Variants in DCC observed in about 807,000 individuals in gnomAD.
DCC encodes netrin receptor DCC.
In DCC, 58 loss-of-function variants were observed where a neutral mutation model predicts 172.5. That is an observed-to-expected ratio of 0.34 (90% CI 0.27 to 0.42). The LOEUF is 0.42. DCC is among the 10% of genes least tolerant of loss of function. DCC has a pLI of 1.00. For missense variants in DCC, 1,740 were observed against 1,791.0 expected, an observed-to-expected ratio of 0.97 and a Z score of 0.51; for synonymous variants, 709 against 644.5, an observed-to-expected ratio of 1.10 and a Z score of -1.52.
At chr18:52,780,045 C>G (rs1402004612) in intron 2 of DCC, among the ~76,000 whole-genome samples, 18 of 149,110 alleles carry the variant, frequency 1.2e-4, no homozygotes, top group Non-Finnish European at 1.5e-5. Context: ...ATATAATTTA[C>G]TACTTCATCG....
At chr18:53,183,945 C>CA (rs2055238953) in intron 9 of DCC, among the ~76,000 whole-genome samples, 1 of 145,866 alleles carries the variant, frequency 6.9e-6, no homozygotes, top group Non-Finnish European at 1.5e-5. Context: ...TCCTAAGTTG[C>CA]AAAAATGAAA....
intron 1 of DCC, among the ~76,000 whole-genome samples, chr18:52,596,268 G>T (rs1043196787): frequency 6.6e-6 from 1 of 152,076 alleles, no homozygotes; most frequent in African/African-American, 2.4e-5. Context: ...ACACTCACAC[G>T]GGAAACACAA....
intron 1 of DCC, among the ~76,000 whole-genome samples, chr18:52,433,629 T>G (rs1987696460): frequency 6.6e-6 from 1 of 152,232 alleles, no homozygotes; most frequent in South Asian, 2.1e-4. Context: ...ATGTATTTGT[T>G]GTAGTTGATG....
At position 53,420,301 on chromosome 18, in the gene DCC, C is replaced by A. The variant is rs1213676133; in HGVS notation, c.3163+4145C>A. Among the ~76,000 whole-genome samples the A allele has an allele frequency of 2.6e-5, 4 of 152,170 alleles. 1 individual carries two copies. The highest frequency in any genetic ancestry group is 9.7e-5 in the African/African-American group (4 of 41,446). ...TTTGTCCTATATAGATCTTCCTTTTCACATCTCTGAATATTCTAAAGAACA... is the reference window on the plus strand; with the variant it reads ...TTTGTCCTATATAGATCTTCCTTTTAACATCTCTGAATATTCTAAAGAACA... On this transcript the variant is annotated intron_variant, in intron 21 of 28. Transcript: ENST00000442544.
chr18:53,454,487 A>G (rs112649225), intron 23 of DCC, among the ~76,000 whole-genome samples: 1,651 of 152,368 alleles, frequency 0.011, 12 homozygotes, highest in Middle Eastern at 0.024. Context: ...GGACAAAAAT[A>G]TATGAAATTG....
rs1568192102 is a variant in DCC, at chr18:52,927,126, C to CGTATATACGTGTATATATGTGTATATAT, written c.985+1756_985+1757insGTATATACGTGTATATATGTGTATATAT. On this transcript the variant is annotated intron_variant, in intron 5 of 28. Transcript: ENST00000442544. The stretch of plus-strand genomic sequence containing the variant: ...ATATACACGTATATACGTGTATATA[C>CGTATATACGTGTATATATGTGTATATAT]ACGTATATACGTGTATATATGTGTA... 6.5e-5 allele frequency among the ~76,000 whole-genome samples: 5 copies of CGTATATACGTGTATATATGTGTATATAT among 76,534 alleles called. 1 individual carries two copies. Among genetic ancestry groups the CGTATATACGTGTATATATGTGTATATAT allele is most frequent in the East Asian group, 6.5e-4 (2 of 3,086 alleles). The allele number at this position is 76,534 out of a possible 152,430, so 50.2% of individuals were successfully genotyped here.
chr18:53,299,571 A>T (rs1168928004), intron 12 of DCC, among the ~76,000 whole-genome samples: 1 of 152,216 alleles, frequency 6.6e-6, no homozygotes, highest in Non-Finnish European at 1.5e-5. Flanking sequence ...TCACTCTTGG[A>T]CATTCTACTA....
intron 2 of DCC, among the ~76,000 whole-genome samples, chr18:52,820,310 G>A (rs1030104923): frequency 6.6e-6 from 1 of 152,068 alleles, no homozygotes; most frequent in Non-Finnish European, 1.5e-5. Context: ...AAGAAAAAAC[G>A]ATGAAAATGT....
At chr18:53,133,601 G>C (rs564964458) in intron 7 of DCC, among the ~76,000 whole-genome samples, 19 of 152,178 alleles carry the variant, frequency 1.2e-4, no homozygotes, top group Non-Finnish European at 1.8e-4. Context: ...CCACTTTCAT[G>C]GGCCACTCAC....
At chr18:52,612,628 C>T (rs1012235708) in intron 1 of DCC, among the ~76,000 whole-genome samples, 1 of 152,132 alleles carries the variant, frequency 6.6e-6, no homozygotes. Flanking sequence ...CTCTGTCTTG[C>T]TCTCTGGACT....
At chr18:53,378,781 A>G (rs916115507) in intron 15 of DCC, among the ~76,000 whole-genome samples, 24 of 152,196 alleles carry the variant, frequency 1.6e-4, no homozygotes, top group Admixed American at 8.5e-4. Flanking sequence ...CTTGGAGTCA[A>G]ATACTTTCTC....
Position 52,907,618 on chromosome 18 carries a change from A to G in DCC, c.697+1290A>G, listed in dbSNP as rs145265680. 7.1e-3 allele frequency among the ~76,000 whole-genome samples: 1,081 copies of G among 152,038 alleles called. 15 individuals are homozygous for G. The highest frequency in any genetic ancestry group is 0.024 in the African/African-American group (1,014 of 41,476). ...TTTTGTAAAGAAGAGGTTTCATCCT[A>G]TTGCCCAGGCTGGTCTCAAACTCCT... On this transcript the variant is annotated intron_variant, in intron 3 of 28. Coordinates refer to ENST00000442544, the MANE Select transcript of DCC (RefSeq NM_005215.4).
rs529091828 is a variant in DCC, at chr18:52,856,574, C to G, written c.413-49470C>G. Among the ~76,000 whole-genome samples, 12 of 127,704 alleles carry G rather than the reference C, an allele frequency of 9.4e-5. No individual in the cohort carries two copies. In the East Asian group the frequency reaches 3.1e-3, roughly 33 times the overall value. 83.8% of individuals were successfully genotyped at this position (127,704 alleles called of 152,430 possible). ...CCGGGAGGCGGAGCTTGCAGTGAGC[C>G]GGGATTGCGCCACTGCACTCCAGCC... On this transcript the variant is annotated intron_variant, in intron 2 of 28. Coordinates refer to ENST00000442544, the MANE Select transcript of DCC (RefSeq NM_005215.4).
At chr18:52,789,359 T>C (rs1199605296) in intron 2 of DCC, among the ~76,000 whole-genome samples, 2 of 151,736 alleles carry the variant, frequency 1.3e-5, no homozygotes, top group Admixed American at 1.3e-4. Flanking sequence ...ACATTAAGAG[T>C]GGCAAGACAA....
At chr18:52,724,530 C>T (rs2145082752) in intron 1 of DCC, among the ~76,000 whole-genome samples, 1 of 152,194 alleles carries the variant, frequency 6.6e-6, no homozygotes, top group East Asian at 1.9e-4. Flanking sequence ...CCTAAATTTC[C>T]TGTGGTTGCT....
intron 12 of DCC, among the ~76,000 whole-genome samples, chr18:53,254,261 G>C (rs1419850514): frequency 2.0e-5 from 3 of 152,006 alleles, no homozygotes; most frequent in Non-Finnish European, 4.4e-5. Context: ...TTCCTGGAAA[G>C]GTAGGGAATC....
At chr18:53,209,776 A>G (rs1436431581) in intron 11 of DCC, among the ~76,000 whole-genome samples, 2 of 152,232 alleles carry the variant, frequency 1.3e-5, no homozygotes, top group Non-Finnish European at 2.9e-5. Flanking sequence ...AAAGAAAAAC[A>G]AATGAAAGTG....
At chr18:52,843,730 T>G (rs11875068) in intron 2 of DCC, among the ~76,000 whole-genome samples, 4,070 of 152,010 alleles carry the variant, frequency 0.027, 160 homozygotes, top group African/African-American at 0.09. Context: ...CACTAACAAT[T>G]AAACACATGC....
intron 5 of DCC, among the ~76,000 whole-genome samples, chr18:52,966,508 T>C (rs561406916): frequency 6.6e-6 from 1 of 152,246 alleles, no homozygotes; most frequent in Admixed American, 6.5e-5. Flanking sequence ...TTGGGACAGC[T>C]GGCTTCTGGT....
Sources: gnomAD v4.1 joint callset for allele counts (sites outside exome capture counted in the v4.1 genomes callset) on GRCh38, gnomAD v4.1.1 for gene constraint, MANE v1.5 for transcripts, NCBI Gene and HGNC (gene_info 2026-07-23, HGNC 2026-07-21) for gene names.